The following UBE3D variants were observed in gnomAD, a reference collection of about 807,000 sequenced individuals.
UBE3D encodes the protein ubiquitin protein ligase E3D.
Under a neutral mutation model 49.6 loss-of-function variants are expected in UBE3D, and 48 were observed. The observed-to-expected ratio is 0.97, with a 90% CI of 0.77 to 1.23. The LOEUF is 1.23. UBE3D is among the 50% of genes most tolerant of loss of function. The pLI is 0.00. For synonymous variants in UBE3D, 189 were observed against 174.2 expected (o/e 1.08, Z -0.67); for missense variants, 452 against 468.4 (o/e 0.96, Z 0.32).
At chr6:83,044,378 G>A (rs770497168) in intron 4 of UBE3D, 50 bp downstream of exon 4, 1 of 1,556,666 alleles carries the variant, frequency 6.4e-7, no homozygotes, top group Non-Finnish European at 8.8e-7. Context: ...GAAGAAGTCA[G>A]TATCTAAGAC....
intron 8 of UBE3D, among the ~76,000 whole-genome samples, chr6:82,958,503 G>C (rs1183298949): frequency 6.6e-6 from 1 of 152,126 alleles, no homozygotes; most frequent in African/African-American, 2.4e-5. Context: ...CAGTGGTTTG[G>C]GACATAATGG....
At chr6:82,994,147 T>C (rs1172596020) in intron 8 of UBE3D, among the ~76,000 whole-genome samples, 1 of 152,196 alleles carries the variant, frequency 6.6e-6, no homozygotes, top group Non-Finnish European at 1.5e-5. Flanking sequence ...ATGTAAGAAA[T>C]AATTTATTAG....
intron 9 of UBE3D, among the ~76,000 whole-genome samples, chr6:82,921,038 C>A (rs985201951): frequency 2.6e-5 from 4 of 151,384 alleles, no homozygotes; most frequent in Non-Finnish European, 5.9e-5. Context: ...TCACTGCAAC[C>A]TTAACTGCCA....
intron 9 of UBE3D, among the ~76,000 whole-genome samples, chr6:82,926,799 T>G (rs1773783983): frequency 6.6e-6 from 1 of 152,122 alleles, no homozygotes; most frequent in South Asian, 2.1e-4. Flanking sequence ...TCTCCCAGTC[T>G]GTGGCTTTTC....
At chr6:83,065,592 G>C (rs945396126) in intron 1 of UBE3D, 50 bp downstream of exon 1, 1 of 1,579,882 alleles carries the variant, frequency 6.3e-7, no homozygotes, top group Admixed American at 1.7e-5. Context: ...CCCGACCCCC[G>C]GGCAGCAGTA....
intron 8 of UBE3D, among the ~76,000 whole-genome samples, chr6:83,008,645 C>T (rs979035585): frequency 3.9e-5 from 6 of 152,104 alleles, no homozygotes; most frequent in Non-Finnish European, 8.8e-5. Context: ...TTTCTATTTT[C>T]CTCTTTTAGA....
chr6:82,885,163 A>G, the UBE3D span, among the ~76,000 whole-genome samples: 3 of 150,356 alleles, frequency 2.0e-5, no homozygotes, highest in Non-Finnish European at 3.0e-5. Flanking sequence ...GTAGAATAGA[A>G]AAAAAAAAAG....
chr6:82,951,830 AAAAG>A lies in UBE3D; in HGVS notation c.1149+5478_1149+5481del, dbSNP rs201948590. Among the ~76,000 whole-genome samples the A allele has an allele frequency of 2.1e-3, 315 of 152,270 alleles. 4 individuals carry two copies. The highest frequency in any genetic ancestry group is 0.013 in the Admixed American group (194 of 15,288). ...ACCAAAAGGACGACCATCTAGTCTC[AAAAG>A]AAAGAGATGGTATCCTCCTGACAAT... On this transcript the variant is annotated intron_variant, in intron 9 of 9. Coordinates refer to ENST00000369747, the MANE Select transcript of UBE3D (RefSeq NM_198920.3).
intron 9 of UBE3D, among the ~76,000 whole-genome samples, chr6:82,937,438 T>C (rs1392031396): frequency 1.3e-5 from 2 of 152,176 alleles, no homozygotes; most frequent in African/African-American, 4.8e-5. Context: ...TTGATCCCAC[T>C]TTGTTTCTAA....
At chr6:83,047,022 T>C (rs1265979541) in intron 3 of UBE3D, among the ~76,000 whole-genome samples, 2 of 152,240 alleles carry the variant, frequency 1.3e-5, no homozygotes, top group Non-Finnish European at 1.5e-5. Context: ...TTCTACTGTC[T>C]TACATTGCTC....
chr6:83,053,024 G>A (rs1783573204), intron 3 of UBE3D, among the ~76,000 whole-genome samples: 1 of 152,218 alleles, frequency 6.6e-6, no homozygotes, highest in Non-Finnish European at 1.5e-5. Flanking sequence ...GATATGGGGG[G>A]AACCCCTTAG....
intron 8 of UBE3D, among the ~76,000 whole-genome samples, chr6:82,985,900 T>C (rs778921228): frequency 6.6e-6 from 1 of 152,190 alleles, no homozygotes; most frequent in Non-Finnish European, 1.5e-5. Flanking sequence ...AGAATCACAC[T>C]ATTTGAATTA....
chr6:83,032,260 C>T (rs1781931514), intron 5 of UBE3D: 2 of 455,632 alleles, frequency 4.4e-6, no homozygotes, highest in South Asian at 3.1e-5. Context: ...ACCACAGGAA[C>T]AGAGCTGTTC....
At chr6:82,957,530 C>A in intron 8 of UBE3D, 80 bp from the exon 9 acceptor site, 1 of 1,469,994 alleles carries the variant, frequency 6.8e-7, no homozygotes, top group South Asian at 1.4e-5. Flanking sequence ...GAAGAAAACT[C>A]AATTGTGAGA....
chr6:83,023,864 C>T, intron 6 of UBE3D, 105 bp downstream of exon 6: 2 of 708,524 alleles, frequency 2.8e-6, no homozygotes, highest in East Asian at 3.2e-5. Flanking sequence ...TTCCCAAAAA[C>T]CTATTAAAAT....
At chr6:83,016,435 A>G (rs973944470) in intron 8 of UBE3D, among the ~76,000 whole-genome samples, 26 of 152,100 alleles carry the variant, frequency 1.7e-4, no homozygotes, top group African/African-American at 6.0e-4. Flanking sequence ...TATCAGAAGT[A>G]GAGTCCTTAG....
the UBE3D span, among the ~76,000 whole-genome samples, chr6:82,886,559 G>A: frequency 6.6e-6 from 1 of 152,112 alleles, no homozygotes; most frequent in Admixed American, 6.5e-5. Context: ...GGAATAAAGG[G>A]AAAAAAGTAA....
At chr6:82,973,002 T>G (rs1398861858) in intron 8 of UBE3D, among the ~76,000 whole-genome samples, 2 of 152,202 alleles carry the variant, frequency 1.3e-5, no homozygotes, top group Admixed American at 6.5e-5. Flanking sequence ...GAGAAGCTAC[T>G]AATGTTCTGA....
At chr6:83,027,434 C>CAAAAAAAAAA (rs61225462) in intron 5 of UBE3D, among the ~76,000 whole-genome samples, 439 of 34,600 alleles carry the variant, frequency 0.013, 85 homozygotes, top group East Asian at 0.02. Flanking sequence ...GACTCCGTCT[C>CAAAAAAAAAA]AAAAAAAAAA....
Sources: gnomAD v4.1 joint callset for allele counts (sites outside exome capture counted in the v4.1 genomes callset) on GRCh38, gnomAD v4.1.1 for gene constraint, MANE v1.5 for transcripts, NCBI Gene and HGNC (gene_info 2026-07-23, HGNC 2026-07-21) for gene names.